Variants in NGEF observed in about 807,000 individuals in gnomAD.
NGEF encodes neuronal guanine nucleotide exchange factor, also known as ephexin-1.
A neutral mutation model predicts 80.9 loss-of-function variants in NGEF; 31 were observed. That is an observed-to-expected ratio of 0.38 (90% CI 0.29 to 0.52). NGEF has a LOEUF of 0.52. Among genes scored for constraint, NGEF ranks in the 20% least tolerant of loss-of-function variants. The probability of loss-of-function intolerance (pLI) is 0.84; values close to 1 mark genes in which losing one functional copy is unlikely to be tolerated. For synonymous variants in NGEF, 371 were observed against 370.2 expected (o/e 1.00, Z -0.03); for missense variants, 709 against 926.2 (o/e 0.77, Z 3.04).
chr2:232,900,113 CAT>C (rs1225767326), intron 5 of NGEF, among the ~76,000 whole-genome samples: 15 of 146,142 alleles, frequency 1.0e-4, no homozygotes, highest in South Asian at 2.2e-4. Flanking sequence ...CTCAGTCACT[CAT>C]ATACACGTTC....
At chr2:232,951,686 G>A (rs774916131) in intron 3 of NGEF, among the ~76,000 whole-genome samples, 1 of 152,120 alleles carries the variant, frequency 6.6e-6, no homozygotes, top group Non-Finnish European at 1.5e-5. Flanking sequence ...ATTCCTCAGT[G>A]CACATCGCTT....
chr2:232,904,201 C>T (rs1383873600), intron 5 of NGEF, among the ~76,000 whole-genome samples: 3 of 152,182 alleles, frequency 2.0e-5, no homozygotes, highest in Non-Finnish European at 2.9e-5. Context: ...CCTGGGCAGG[C>T]TGTGCATATA....
At chr2:232,893,947 CCA>C (rs896630141) in intron 6 of NGEF, among the ~76,000 whole-genome samples, 3 of 152,188 alleles carry the variant, frequency 2.0e-5, no homozygotes, top group African/African-American at 7.2e-5. Flanking sequence ...ACTTGGAGGC[CCA>C]CAGAGAGTGA....
chr2:232,953,513 A>ATTT (rs1333097474), intron 3 of NGEF, among the ~76,000 whole-genome samples: 1,701 of 135,346 alleles, frequency 0.013, 33 homozygotes, highest in African/African-American at 0.041. Context: ...TTTTTTTAAA[A>ATTT]AAAAAAGAAA....
intron 1 of NGEF, among the ~76,000 whole-genome samples, chr2:232,992,646 T>TAG (rs1694673722): frequency 6.6e-6 from 1 of 152,048 alleles, no homozygotes; most frequent in African/African-American, 2.4e-5. Flanking sequence ...ATCTTGTACC[T>TAG]AGAGTATATA....
intron 5 of NGEF, among the ~76,000 whole-genome samples, chr2:232,910,886 C>T (rs751137233): frequency 3.7e-4 from 57 of 152,064 alleles, no homozygotes; most frequent in Admixed American, 7.2e-4. Context: ...TTGTGTATTC[C>T]GGATGCAAGT....
Position 232,994,906 on chromosome 2 carries a change from T to A in NGEF, c.-75+18162A>T, listed in dbSNP as rs1171542788. Among the ~76,000 whole-genome samples the A allele has an allele frequency of 4.8e-5, 7 of 146,940 alleles. No homozygotes were observed. The East Asian group carries it at 1.5e-3, about 31-fold the overall frequency. The stretch of plus-strand genomic sequence containing the variant: ...TATATACATGCATATAATACATACA[T>A]ACACATGTATTATATACATACATGG... On this transcript the variant is annotated intron_variant, in intron 1 of 14. Transcript: ENST00000264051.
intron 3 of NGEF, among the ~76,000 whole-genome samples, chr2:232,939,415 G>T (rs879703820): frequency 2.6e-5 from 4 of 152,106 alleles, no homozygotes; most frequent in Non-Finnish European, 5.9e-5. Context: ...TGGTAACAGA[G>T]AATGCATTGC....
intron 1 of NGEF, among the ~76,000 whole-genome samples, chr2:233,007,356 C>T (rs1287391749): frequency 2.0e-5 from 3 of 152,192 alleles, no homozygotes; most frequent in Non-Finnish European, 1.5e-5. Flanking sequence ...TAGATAATGG[C>T]CCAGCCTAGG....
At chr2:232,927,984 C>T in intron 3 of NGEF, 6 of 1,249,096 alleles carry the variant, frequency 4.8e-6, no homozygotes, top group Admixed American at 8.1e-5. Flanking sequence ...CTGAAGGCAG[C>T]GGCCAGCAGC....
At chr2:232,981,995 G>A (rs892675692) in intron 1 of NGEF, among the ~76,000 whole-genome samples, 1 of 152,186 alleles carries the variant, frequency 6.6e-6, no homozygotes, top group Non-Finnish European at 1.5e-5. Context: ...AAGGGAGAGG[G>A]AAGTGGCAGA....
At chr2:232,891,785 C>T (rs531035323) in intron 7 of NGEF, among the ~76,000 whole-genome samples, 5 of 152,218 alleles carry the variant, frequency 3.3e-5, no homozygotes, top group African/African-American at 4.8e-5. Context: ...TAGATGATTT[C>T]ACCCAGCGGG....
At chr2:232,985,902 G>GC (rs992967969) in intron 1 of NGEF, among the ~76,000 whole-genome samples, 1 of 150,152 alleles carries the variant, frequency 6.7e-6, no homozygotes. Flanking sequence ...TCACGCCATT[G>GC]CCCCCCAGCC....
In NGEF at chr2:232,892,799, G is replaced by T; in HGVS notation, c.1142+99C>A. On this transcript the variant is annotated intron_variant, in intron 7 of 14. Coordinates refer to ENST00000264051, the MANE Select transcript of NGEF (RefSeq NM_019850.3). This position sits in a 1 kb window ranked among gnomAD's most constrained non-coding sequence, Gnocchi z 4.0. ...GGACCTTGGGAACGCAGAGGTAAAG[G>T]ACCATGAAGTGTCACCGTGTAAGGA... 1.5e-6 allele frequency: 2 copies of T among 1,327,926 alleles called. No homozygotes were observed. Among genetic ancestry groups the T allele is most frequent in the South Asian group, 1.3e-5 (1 of 75,020 alleles). The allele number at this position is 1,327,926 out of a possible 1,614,324, so 82.3% of individuals were successfully genotyped here.
chr2:232,951,946 C>T (rs1372318340), intron 3 of NGEF, among the ~76,000 whole-genome samples: 5 of 152,100 alleles, frequency 3.3e-5, no homozygotes, highest in Admixed American at 6.5e-5. Context: ...TCAGTGGAGA[C>T]GTTTCTGCCA....
At chr2:232,884,203 G>A in intron 10 of NGEF, 59 bp from the exon 11 acceptor site, 1 of 1,461,456 alleles carries the variant, frequency 6.8e-7, no homozygotes, top group Non-Finnish European at 9.0e-7. Flanking sequence ...CCCAGGACAT[G>A]CCCCCAGGGC....
At chr2:232,937,080 C>T (rs1693341512) in intron 3 of NGEF, among the ~76,000 whole-genome samples, 1 of 152,170 alleles carries the variant, frequency 6.6e-6, no homozygotes, top group Admixed American at 6.5e-5. Flanking sequence ...AGTGATTCTC[C>T]TACCTCAGCC....
intron 6 of NGEF, among the ~76,000 whole-genome samples, chr2:232,893,602 T>C (rs1043969855): frequency 1.3e-5 from 2 of 152,012 alleles, no homozygotes; most frequent in Non-Finnish European, 2.9e-5. Context: ...GGTGAAACCC[T>C]GTCTCTACTA....
chr2:232,888,675 C>A (rs969056549), intron 8 of NGEF, among the ~76,000 whole-genome samples: 3 of 152,164 alleles, frequency 2.0e-5, no homozygotes, highest in African/African-American at 7.2e-5. Context: ...TTAGGGTCAG[C>A]TCTGTCCCCA....
Sources: allele counts gnomAD v4.1 joint callset (sites outside exome capture counted in the v4.1 genomes callset), GRCh38; gene constraint gnomAD v4.1.1; non-coding constraint Gnocchi (gnomAD v3.1); transcripts MANE v1.5; gene names NCBI Gene and HGNC (gene_info 2026-07-23, HGNC 2026-07-21).